The following RARB variants were observed in gnomAD, a reference collection of about 807,000 sequenced individuals.
RARB encodes HBV-activated protein.
A neutral mutation model predicts 51.9 loss-of-function variants in RARB; 17 were observed. The observed-to-expected ratio is 0.33, with a 90% CI of 0.22 to 0.49. RARB has a LOEUF of 0.49. Ranked by LOEUF, RARB falls within the 20% of genes least tolerant of loss-of-function variation. The pLI, the probability that RARB is intolerant of heterozygous loss-of-function variation, is 0.99. For synonymous variants in RARB, 215 were observed against 195.4 expected, an observed-to-expected ratio of 1.10 and a Z score of -0.84; for missense variants, 369 against 550.8, an observed-to-expected ratio of 0.67 and a Z score of 3.30.
At chr3:25,259,881 T>C in intron 5 of RARB, 2 of 982,608 alleles carry the variant, frequency 2.0e-6, no homozygotes, top group Non-Finnish European at 2.4e-6. Context: ...TTTGAGCTTC[T>C]TTCCTGGACA....
chr3:25,212,451 C>G (rs1701720721), intron 5 of RARB, among the ~76,000 whole-genome samples: 1 of 152,124 alleles, frequency 6.6e-6, no homozygotes, highest in South Asian at 2.1e-4. Context: ...AACTCCTTCT[C>G]TACTAAAAAT....
chr3:25,092,517 G>A (rs1699217197), intron 3 of RARB, among the ~76,000 whole-genome samples: 1 of 151,784 alleles, frequency 6.6e-6, no homozygotes, highest in Non-Finnish European at 1.5e-5. Flanking sequence ...ACCTTTCATG[G>A]TGTGCCTGTA....
chr3:24,979,361 T>G (rs1441262918), intron 2 of RARB, among the ~76,000 whole-genome samples: 3 of 152,184 alleles, frequency 2.0e-5, no homozygotes, highest in Admixed American at 2.0e-4. Flanking sequence ...ATTATTATTG[T>G]GTGGGAGTCT....
rs185575126 is a variant in RARB at position 25,044,300 on chromosome 3, A to C, written c.-379-15825A>C. Among the ~76,000 whole-genome samples the C allele has an allele frequency of 1.0e-3, 157 of 152,242 alleles. 3 individuals carry two copies. Among genetic ancestry groups the C allele is most frequent in the Non-Finnish European group, 4.3e-4 (29 of 68,010 alleles). The stretch of plus-strand genomic sequence containing the variant: ...ATTCCCTAGCTGGGCAAAACATGAG[A>C]AATTGGCCTTGTGTCAACTTTTTAA... On this transcript the variant is annotated intron_variant, in intron 2 of 11. Coordinates refer to the RARB transcript ENST00000383772.
At chr3:25,545,644 C>G (rs1234201123) in intron 3 of RARB, among the ~76,000 whole-genome samples, 1 of 152,294 alleles carries the variant, frequency 6.6e-6, no homozygotes, top group Non-Finnish European at 1.5e-5. Flanking sequence ...CAGAACACCT[C>G]TCTGCATTGT....
rs187154318 is a variant in RARB at position 25,242,664 on chromosome 3, T to C, written c.178+68089T>C. ...AGGGCTCTGTTCTGTTCCATTGGTC[T>C]ATATATCTGTTTTGGTACCAGTACC... On this transcript the variant is annotated intron_variant, in intron 5 of 11. Coordinates refer to the RARB transcript ENST00000383772. Among the ~76,000 whole-genome samples, 161 of 152,298 alleles carry C rather than the reference T, an allele frequency of 1.1e-3. 4 individuals are homozygous for C. Among genetic ancestry groups the C allele is most frequent in the Admixed American group, 0.01 (159 of 15,298 alleles).
intron 2 of RARB, among the ~76,000 whole-genome samples, chr3:24,876,801 G>A (rs1351683724): frequency 6.6e-6 from 1 of 152,090 alleles, no homozygotes; most frequent in Non-Finnish European, 1.5e-5. Flanking sequence ...GAAACATGAT[G>A]CCAATTAGAA....
intron 3 of RARB, among the ~76,000 whole-genome samples, chr3:25,083,750 C>A (rs1276995199): frequency 6.6e-6 from 1 of 152,122 alleles, no homozygotes; most frequent in Non-Finnish European, 1.5e-5. Flanking sequence ...GTTGTATTAT[C>A]ATCCTTTAAA....
intron 2 of RARB, among the ~76,000 whole-genome samples, chr3:25,462,843 G>A (rs557087401): frequency 5.3e-5 from 8 of 152,220 alleles, no homozygotes; most frequent in East Asian, 1.9e-4. Flanking sequence ...TGGCTTGTTC[G>A]CAGAGGCAGG....
intron 3 of RARB, among the ~76,000 whole-genome samples, chr3:25,105,036 GAATT>G (rs535472562): frequency 4.0e-4 from 61 of 152,164 alleles, no homozygotes; most frequent in Non-Finnish European, 7.1e-4. Flanking sequence ...TTTTCTATAA[GAATT>G]AATAGTTTAA....
chr3:25,088,019 C>T (rs1438580671), intron 3 of RARB, among the ~76,000 whole-genome samples: 2 of 151,734 alleles, frequency 1.3e-5, no homozygotes, highest in Non-Finnish European at 2.9e-5. Context: ...AATCATGGTT[C>T]ACAAGAAGGT....
chr3:25,121,397 A>G (rs1699781039), intron 3 of RARB, among the ~76,000 whole-genome samples: 1 of 152,182 alleles, frequency 6.6e-6, no homozygotes, highest in South Asian at 2.1e-4. Flanking sequence ...TAAAGAAAAA[A>G]AATAGCTTCT....
intron 3 of RARB, among the ~76,000 whole-genome samples, chr3:25,073,919 AG>A (rs1408582637): frequency 6.6e-6 from 1 of 152,172 alleles, no homozygotes; most frequent in Non-Finnish European, 1.5e-5. Flanking sequence ...AGTATGTCAA[AG>A]TATGAGACTA....
intron 5 of RARB, among the ~76,000 whole-genome samples, chr3:25,270,890 G>A (rs79376772): frequency 0.038 from 5,771 of 152,212 alleles, 116 homozygotes; most frequent in East Asian, 0.07. Flanking sequence ...AAATACTTTC[G>A]CCCCAATCTA....
intron 5 of RARB, among the ~76,000 whole-genome samples, chr3:25,259,290 A>G (rs1702941537): frequency 6.6e-6 from 1 of 152,144 alleles, no homozygotes; most frequent in Admixed American, 6.6e-5. Flanking sequence ...ATCTCCCAGC[A>G]TTCTTCATAT....
intron 1 of RARB, among the ~76,000 whole-genome samples, chr3:25,441,920 A>T (rs1708704113): frequency 6.6e-6 from 1 of 152,100 alleles, no homozygotes; most frequent in South Asian, 2.1e-4. Flanking sequence ...ACCCACATGT[A>T]TGTTCTAATA....
chr3:25,009,833 T>C (rs1697356083), intron 2 of RARB, among the ~76,000 whole-genome samples: 1 of 152,086 alleles, frequency 6.6e-6, no homozygotes, highest in Middle Eastern at 3.4e-3. Context: ...ATGACTGCAG[T>C]GTCAGGTTTA....
intron 5 of RARB, among the ~76,000 whole-genome samples, chr3:25,408,731 A>C (rs1041290393): frequency 2.0e-5 from 3 of 152,146 alleles, no homozygotes; most frequent in Non-Finnish European, 4.4e-5. Context: ...CCACCATGGC[A>C]CTTAAAAAAA....
chr3:25,288,534 C>G (rs561607825), intron 5 of RARB, among the ~76,000 whole-genome samples: 1 of 152,210 alleles, frequency 6.6e-6, no homozygotes, highest in South Asian at 2.1e-4. Flanking sequence ...ACCCATGAGC[C>G]CAGGACACTA....
Sources: allele counts gnomAD v4.1 joint callset (sites outside exome capture counted in the v4.1 genomes callset), GRCh38; gene constraint gnomAD v4.1.1; transcripts MANE v1.5; gene names NCBI Gene and HGNC (gene_info 2026-07-23, HGNC 2026-07-21).